Variants in LDLRAD3 observed in about 807,000 individuals in gnomAD.
LDLRAD3 encodes the protein low-density lipoprotein receptor class A domain-containing protein 3.
Under a neutral mutation model 29.4 loss-of-function variants are expected in LDLRAD3, and 20 were observed. The ratio of observed to expected loss-of-function variants is 0.68; its 90% confidence interval spans 0.48 to 0.99. The LOEUF is 0.99. LDLRAD3 is among the 50% of genes least tolerant of loss of function. LDLRAD3 has a pLI of 0.00. For missense variants in LDLRAD3, 420 were observed against 454.3 expected (o/e 0.92, Z 0.69); for synonymous variants, 157 against 192.7 (o/e 0.81, Z 1.53).
chr11:36,228,775 T>C lies in LDLRAD3; in HGVS notation c.801-385T>C, dbSNP rs1265660675. Among the ~76,000 whole-genome samples the C allele has an allele frequency of 3.3e-5, 5 of 152,206 alleles. 1 individual carries two copies. In the East Asian group the frequency reaches 7.7e-4, roughly 23 times the overall value. On this transcript the variant is annotated intron_variant, in intron 5 of 5. Coordinates refer to ENST00000315571, the MANE Select transcript of LDLRAD3 (RefSeq NM_174902.4). ...AGTTGGCTTTCAATAGAAATGCCAA[T>C]TCCATGTTCCCATCAGAGGCCCAGT...
At chr11:36,082,085 T>G (rs924310811) in intron 3 of LDLRAD3, among the ~76,000 whole-genome samples, 5 of 152,242 alleles carry the variant, frequency 3.3e-5, no homozygotes, top group Non-Finnish European at 7.3e-5. Flanking sequence ...GAGAAGTACA[T>G]TAACTCATCC....
In LDLRAD3 at chr11:36,191,538, GTCTC is replaced by G. The variant is rs751965155; in HGVS notation, c.455-35511_455-35508del. ...AGCCTGGGTGACAGAGCAAGACCCT[GTCTC>G]TCTCTCTCTCTCTCTCTCTCTCTCT... On this transcript the variant is annotated intron_variant, in intron 4 of 5. Transcript: ENST00000315571. 7.7e-3 allele frequency among the ~76,000 whole-genome samples: 428 copies of G among 55,640 alleles called. 2 individuals are homozygous for G. The highest frequency in any genetic ancestry group is 0.02 in the African/African-American group (265 of 12,930). The allele number at this position is 55,640 out of a possible 152,430, so 36.5% of individuals were successfully genotyped here.
chr11:36,038,515 T>A (rs1852334148), intron 2 of LDLRAD3, among the ~76,000 whole-genome samples: 1 of 152,232 alleles, frequency 6.6e-6, no homozygotes. Context: ...CTAAATTGTA[T>A]GCCCAGCTTT....
At chr11:35,971,424 C>A (rs1851410936) in intron 1 of LDLRAD3, among the ~76,000 whole-genome samples, 2 of 152,134 alleles carry the variant, frequency 1.3e-5, no homozygotes, top group Admixed American at 1.3e-4. Context: ...AATTAAGTTA[C>A]CTGTTAGGCT....
chr11:36,152,110 T>G (rs1370043262), intron 4 of LDLRAD3, among the ~76,000 whole-genome samples: 1 of 152,056 alleles, frequency 6.6e-6, no homozygotes, highest in Non-Finnish European at 1.5e-5. Flanking sequence ...AACCGCAAAT[T>G]GGCCACTTGG....
intron 4 of LDLRAD3, among the ~76,000 whole-genome samples, chr11:36,167,609 A>G (rs949955098): frequency 2.0e-5 from 3 of 152,200 alleles, no homozygotes; most frequent in Non-Finnish European, 1.5e-5. Context: ...TCTACAAGCC[A>G]AGGAGCACCC....
intron 2 of LDLRAD3, among the ~76,000 whole-genome samples, chr11:36,081,125 C>T (rs532861867): frequency 5.9e-5 from 9 of 152,282 alleles, no homozygotes; most frequent in African/African-American, 2.2e-4. Flanking sequence ...GCCAACCTTG[C>T]AAGGAGGTCT....
intron 4 of LDLRAD3, among the ~76,000 whole-genome samples, chr11:36,106,056 G>A (rs566456295): frequency 6.8e-4 from 104 of 152,288 alleles, no homozygotes; most frequent in African/African-American, 2.3e-3. Context: ...GACAGTTGCC[G>A]GTAAAGAATC....
chr11:36,217,303 T>C (rs11600365), intron 4 of LDLRAD3, among the ~76,000 whole-genome samples: 10,226 of 152,166 alleles, frequency 0.067, 455 homozygotes, highest in East Asian at 0.2. Context: ...TCCCAGATTG[T>C]GGTGAGCCCT....
At chr11:36,098,603 G>A (rs1853399742) in intron 4 of LDLRAD3, 142 bp downstream of exon 4, 1 of 859,910 alleles carries the variant, frequency 1.2e-6, no homozygotes. Context: ...TGCAGCCCTT[G>A]TACAGGTAGG....
chr11:35,994,585 G>T (rs1397108656), intron 1 of LDLRAD3, among the ~76,000 whole-genome samples: 1 of 152,106 alleles, frequency 6.6e-6, no homozygotes, highest in Non-Finnish European at 1.5e-5. Context: ...GGTGGCTGTG[G>T]CATTTTCTTA....
intron 1 of LDLRAD3, among the ~76,000 whole-genome samples, chr11:36,028,336 G>C (rs578233077): frequency 2.6e-5 from 4 of 152,230 alleles, no homozygotes; most frequent in African/African-American, 9.6e-5. Flanking sequence ...GCAGCAAGAA[G>C]ACATGGTGTT....
At chr11:36,172,064 TTTTG>T (rs945564913) in intron 4 of LDLRAD3, among the ~76,000 whole-genome samples, 1 of 152,142 alleles carries the variant, frequency 6.6e-6, no homozygotes, top group African/African-American at 2.4e-5. Flanking sequence ...TAAGGTGTTT[TTTTG>T]TTTGTTTGTT....
intron 1 of LDLRAD3, among the ~76,000 whole-genome samples, chr11:35,953,376 G>C (rs1182419713): frequency 1.3e-5 from 2 of 152,234 alleles, no homozygotes; most frequent in African/African-American, 2.4e-5. Flanking sequence ...CAAGGTGCCA[G>C]TGTTCCAGGT....
intron 2 of LDLRAD3, among the ~76,000 whole-genome samples, chr11:36,047,520 A>G (rs949997739): frequency 6.6e-6 from 1 of 152,238 alleles, no homozygotes; most frequent in Non-Finnish European, 1.5e-5. Context: ...CTTGGATTCA[A>G]TGAAATGCAC....
intron 2 of LDLRAD3, among the ~76,000 whole-genome samples, chr11:36,047,726 C>T (rs1436992741): frequency 1.3e-5 from 2 of 152,214 alleles, no homozygotes; most frequent in Admixed American, 6.5e-5. Context: ...CATCTGGGAG[C>T]TGTGCAACCT....
At chr11:35,962,845 AGAGG>A (rs1049951663) in intron 1 of LDLRAD3, among the ~76,000 whole-genome samples, 5 of 152,248 alleles carry the variant, frequency 3.3e-5, no homozygotes, top group African/African-American at 1.2e-4. Flanking sequence ...GGAACGAAAC[AGAGG>A]GTAAAAAGAC....
intron 3 of LDLRAD3, among the ~76,000 whole-genome samples, chr11:36,089,518 C>T (rs1470510480): frequency 6.6e-6 from 1 of 152,034 alleles, no homozygotes; most frequent in Non-Finnish European, 1.5e-5. Context: ...ACCTCCGCCT[C>T]CCGGGTTCAA....
intron 4 of LDLRAD3, among the ~76,000 whole-genome samples, chr11:36,173,164 C>G (rs1384543175): frequency 1.3e-5 from 2 of 151,972 alleles, no homozygotes; most frequent in African/African-American, 2.4e-5. Context: ...TGTGGTATCA[C>G]CTATAATATC....
Sources: gnomAD v4.1 joint callset for allele counts (sites outside exome capture counted in the v4.1 genomes callset) on GRCh38, gnomAD v4.1.1 for gene constraint, MANE v1.5 for transcripts, NCBI Gene and HGNC (gene_info 2026-07-23, HGNC 2026-07-21) for gene names.